Variants in C12orf56 observed in about 807,000 individuals in gnomAD.
C12orf56 encodes uncharacterized protein C12orf56.
A neutral mutation model predicts 69.9 loss-of-function variants in C12orf56; 71 were observed. That is an observed-to-expected ratio of 1.02 (90% CI 0.84 to 1.24). The LOEUF (loss-of-function observed/expected upper bound fraction) is 1.24, where lower values mean the gene tolerates loss of function less well. Among genes scored for constraint, C12orf56 ranks in the 50% most tolerant of loss-of-function variants. C12orf56 has a pLI of 0.00. For synonymous variants in C12orf56, 276 were observed against 274.1 expected (o/e 1.01, Z -0.07); for missense variants, 732 against 738.5 (o/e 0.99, Z 0.10).
intron 8 of C12orf56, among the ~76,000 whole-genome samples, chr12:64,281,631 G>A (rs751834095): frequency 2.0e-5 from 3 of 152,058 alleles, no homozygotes; most frequent in Admixed American, 6.6e-5. Context: ...ACTGGGCTAC[G>A]TAATACTATG....
At chr12:64,334,862 T>C (rs2038972992) in intron 2 of C12orf56, among the ~76,000 whole-genome samples, 1 of 152,176 alleles carries the variant, frequency 6.6e-6, no homozygotes, top group Non-Finnish European at 1.5e-5. Context: ...CTGTAAGGTC[T>C]TTTCTGTTTT....
intron 6 of C12orf56, among the ~76,000 whole-genome samples, chr12:64,294,374 ATCTTGCATACCAATGT>A (rs1483516075): frequency 6.6e-6 from 1 of 152,230 alleles, no homozygotes; most frequent in Non-Finnish European, 1.5e-5. Context: ...TTAAAGAGAT[ATCTTGCATACCAATGT>A]TCATAGCTGC....
intron 2 of C12orf56, among the ~76,000 whole-genome samples, chr12:64,345,705 G>A (rs977200836): frequency 2.0e-5 from 3 of 152,120 alleles, no homozygotes; most frequent in Admixed American, 6.5e-5. Context: ...TGCTTCTGAC[G>A]CTGGTAGATA....
chr12:64,276,004 C>A (rs117543434), intron 9 of C12orf56, among the ~76,000 whole-genome samples: 16 of 150,936 alleles, frequency 1.1e-4, no homozygotes, highest in Admixed American at 2.0e-4. Flanking sequence ...AATACACACC[C>A]CCCCCCGCGA....
At chr12:64,362,618 G>A (rs1043145923) in intron 1 of C12orf56, among the ~76,000 whole-genome samples, 76 of 152,202 alleles carry the variant, frequency 5.0e-4, no homozygotes, top group African/African-American at 1.7e-3. Flanking sequence ...GTTCAACCTG[G>A]GGGGCAGAGG....
intron 3 of C12orf56, among the ~76,000 whole-genome samples, chr12:64,325,010 A>G (rs1487316682): frequency 6.6e-6 from 1 of 152,186 alleles, no homozygotes; most frequent in African/African-American, 2.4e-5. Flanking sequence ...ACAACTGAAC[A>G]CTGTCCCTAA....
At chr12:64,330,727 T>C (rs1565759601) in intron 3 of C12orf56, among the ~76,000 whole-genome samples, 1 of 152,188 alleles carries the variant, frequency 6.6e-6, no homozygotes, top group Non-Finnish European at 1.5e-5. Flanking sequence ...TTTATCTATA[T>C]TGTGACATCT....
At chr12:64,387,671 G>C (rs1056196705) in intron 1 of C12orf56, among the ~76,000 whole-genome samples, 3 of 151,844 alleles carry the variant, frequency 2.0e-5, no homozygotes, top group Non-Finnish European at 4.4e-5. Flanking sequence ...AACTAGCCAG[G>C]CATGGTGGCA....
At chr12:64,335,752 TA>T (rs1251197150) in intron 2 of C12orf56, among the ~76,000 whole-genome samples, 1 of 152,192 alleles carries the variant, frequency 6.6e-6, no homozygotes, top group Non-Finnish European at 1.5e-5. Context: ...GGAATCCTGT[TA>T]AAAATGTGAT....
chr12:64,379,556 G>A (rs1278725836), intron 1 of C12orf56, among the ~76,000 whole-genome samples: 1 of 151,450 alleles, frequency 6.6e-6, no homozygotes, highest in African/African-American at 2.4e-5. Context: ...AAAGTGCTGG[G>A]ATTACAGGTG....
At chr12:64,269,144 A>AAAC (rs1182437886) in intron 12 of C12orf56, among the ~76,000 whole-genome samples, 2 of 151,792 alleles carry the variant, frequency 1.3e-5, no homozygotes, top group Non-Finnish European at 2.9e-5. Context: ...TGTGTCAAAA[A>AAAC]AAAAAAAGTC....
intron 3 of C12orf56, 144 bp from the exon 4 acceptor site, chr12:64,319,124 G>T: frequency 1.4e-6 from 1 of 721,512 alleles, no homozygotes; most frequent in Non-Finnish European, 2.1e-6. Flanking sequence ...AACCTCGCTG[G>T]TAATAACCCA....
chr12:64,327,163 C>T (rs2038856337), intron 3 of C12orf56, among the ~76,000 whole-genome samples: 1 of 151,394 alleles, frequency 6.6e-6, no homozygotes, highest in African/African-American at 2.4e-5. Flanking sequence ...CCTTGGCCTT[C>T]TCAGCCTCCA....
intron 2 of C12orf56, among the ~76,000 whole-genome samples, chr12:64,341,161 C>G (rs762452297): frequency 2.0e-5 from 3 of 152,084 alleles, no homozygotes; most frequent in Non-Finnish European, 2.9e-5. Context: ...TTAATGAAAT[C>G]GTTGTTGTGT....
rs570915538 is a variant in C12orf56 at position 64,316,754 on chromosome 12, C to T, written c.894+1821G>A. Among the ~76,000 whole-genome samples the T allele has an allele frequency of 4.2e-4, 64 of 152,282 alleles. 1 individual carries two copies. Among genetic ancestry groups the T allele is most frequent in the African/African-American group, 1.5e-3 (63 of 41,556 alleles). ...CATCTATAAAATGGGAATAACAGTCCTACCTCATAGGGTTGTTGTAAAAAT... is the reference window on the plus strand; with the variant it reads ...CATCTATAAAATGGGAATAACAGTCTTACCTCATAGGGTTGTTGTAAAAAT... On this transcript the variant is annotated intron_variant, in intron 4 of 12. Coordinates refer to ENST00000543942, the MANE Select transcript of C12orf56 (RefSeq NM_001170633.2).
chr12:64,359,072 G>A lies in C12orf56; in HGVS notation c.253-6016C>T, dbSNP rs1378591668. On this transcript the variant is annotated intron_variant, in intron 1 of 12. Transcript: ENST00000543942. ...CACTTTTTGACCTTTCTCTGAAGCAGGTCATAAAATCTAGGAATAATTTTC... is the reference window on the plus strand; with the variant it reads ...CACTTTTTGACCTTTCTCTGAAGCAAGTCATAAAATCTAGGAATAATTTTC... Among the ~76,000 whole-genome samples, 5 of 152,230 alleles carry A rather than the reference G, an allele frequency of 3.3e-5. No homozygotes were observed. In the South Asian group the frequency reaches 8.3e-4, roughly 25 times the overall value.
chr12:64,284,605 A>C, intron 8 of C12orf56, 59 bp downstream of exon 8: 2 of 1,245,980 alleles, frequency 1.6e-6, no homozygotes, highest in Non-Finnish European at 2.3e-6. Context: ...GAAGACACTT[A>C]ATAAGAATAG....
Position 64,265,308 on chromosome 12 carries a change from C to T in C12orf56, c.*1875G>A, listed in dbSNP as rs2037910492. 1.3e-5 allele frequency: 2 copies of T among 152,186 alleles called. No homozygotes were observed. The highest frequency in any genetic ancestry group is 2.9e-5 in the Non-Finnish European group (2 of 68,060). 9.4% of individuals were successfully genotyped at this position (152,186 alleles called of 1,614,324 possible). A position where few individuals can be genotyped will look rare whatever the true frequency, so the allele number is the denominator to read the frequency against. ...AAATTGAGGGTAGAAAATGTGGACT[C>T]CTCATTGGGTAATGAAGGAAAAGAC... is the stretch of plus-strand genomic sequence containing the variant. On this transcript the variant is annotated 3_prime_UTR_variant, in exon 13 of 13. Coordinates refer to ENST00000543942, the MANE Select transcript of C12orf56 (RefSeq NM_001170633.2).
At chr12:64,299,816 ATT>A (rs1211076912) in intron 6 of C12orf56, among the ~76,000 whole-genome samples, 1 of 152,208 alleles carries the variant, frequency 6.6e-6, no homozygotes, top group African/African-American at 2.4e-5. Context: ...CTGTCTGTTA[ATT>A]GTTAAAGAGG....
Sources: allele counts gnomAD v4.1 joint callset (sites outside exome capture counted in the v4.1 genomes callset), GRCh38; gene constraint gnomAD v4.1.1; transcripts MANE v1.5; gene names NCBI Gene and HGNC (gene_info 2026-07-23, HGNC 2026-07-21).